Variants in DIP2A observed in about 807,000 individuals in gnomAD.
DIP2A encodes disco-interacting protein 2 homolog A.
In DIP2A, 85 loss-of-function variants were observed where a neutral mutation model predicts 177.4. The observed-to-expected ratio is 0.48, with a 90% CI of 0.40 to 0.57. DIP2A has a LOEUF of 0.57. Ranked by LOEUF, DIP2A falls within the 20% of genes least tolerant of loss-of-function variation. The probability of loss-of-function intolerance (pLI) is 0.00; values close to 1 mark genes in which losing one functional copy is unlikely to be tolerated. For synonymous variants in DIP2A, 886 were observed against 881.8 expected (o/e 1.00, Z -0.08); for missense variants, 1,791 against 2,100.2 (o/e 0.85, Z 2.88).
rs1200720980 is a variant in DIP2A, at chr21:46,554,115, A to G, written c.3031-54A>G. 4.4e-6 allele frequency: 7 copies of G among 1,575,888 alleles called. No individual in the cohort carries two copies. The African/African-American group carries it at 9.4e-5, about 21-fold the overall frequency. ...AGGTGGTGTGCACGCAGATCTGCGA[A>G]CAGCCCACCTGCACGCACCAGCATA... On this transcript the variant is annotated intron_variant, in intron 25 of 37. Transcript: ENST00000417564.
In DIP2A at chr21:46,551,780, CTG is replaced by C. The variant is rs772740855; in HGVS notation, c.2949+40_2950-40del. The C allele has an allele frequency of 1.6e-4, 258 of 1,613,398 alleles. 1 individual carries two copies. The highest frequency in any genetic ancestry group is 8.2e-4 in the Middle Eastern group (5 of 6,062). On this transcript the variant is annotated intron_variant, in intron 24 of 37. Transcript: ENST00000417564. ...GTTCCGGGGACGGGTGGACGGGTGTCTGTGCCCCGGAGGCGCCAGTGAGCAAG... is the reference window on the plus strand; with the variant it reads ...GTTCCGGGGACGGGTGGACGGGTGTCTGCCCCGGAGGCGCCAGTGAGCAAG...
Position 46,472,215 on chromosome 21 carries a change from C to T in DIP2A, c.92-12542C>T, listed in dbSNP as rs186013914. Among the ~76,000 whole-genome samples the T allele has an allele frequency of 3.2e-3, 485 of 152,328 alleles. 4 individuals carry two copies. The highest frequency in any genetic ancestry group is 0.011 in the African/African-American group (463 of 41,560). On this transcript the variant is annotated intron_variant, in intron 1 of 37. Coordinates refer to ENST00000417564, the MANE Select transcript of DIP2A (RefSeq NM_015151.4). ...GCCATGTGAAGACATAGGCAGCTGT[C>T]TGCAAGCCAAGGAGAGAGGCTTCAC... is the stretch of plus-strand genomic sequence containing the variant.
At chr21:46,465,183 G>GTTCT (rs1342446150) in intron 1 of DIP2A, among the ~76,000 whole-genome samples, 6 of 152,162 alleles carry the variant, frequency 3.9e-5, no homozygotes, top group Admixed American at 1.3e-4. Context: ...CTCTTTTGGA[G>GTTCT]TTCTTGCTGC....
At position 46,567,395 on chromosome 21, in the gene DIP2A, C is replaced by T. The variant is rs932085528; in HGVS notation, c.4489C>T (p.Leu1497=). ...ECAVFTWTNL[L]VVVVELDGLE... ...TGCCGTATTCACCTGGACCAACCTG[C>T]TGGTGGTGGTGGTGGAGCTGGATGG... is the stretch of plus-strand genomic sequence containing the variant. The change falls in exon 38 of 38, where the codon CTG becomes TTG. Residue 1497 remains leucine, a synonymous_variant. Coordinates refer to ENST00000417564, the MANE Select transcript of DIP2A (RefSeq NM_015151.4). The T allele has an allele frequency of 6.2e-7, 1 of 1,613,476 alleles. No individual in the cohort carries two copies. The highest frequency in any genetic ancestry group is 1.3e-5 in the African/African-American group (1 of 74,890).
the DIP2A span, among the ~76,000 whole-genome samples, chr21:46,581,969 G>A: frequency 6.6e-6 from 1 of 152,214 alleles, no homozygotes; most frequent in South Asian, 2.1e-4. Flanking sequence ...GCCCCTTGGT[G>A]GAGTGGGTGC....
chr21:46,487,296 AC>A (rs1274882186), intron 2 of DIP2A, among the ~76,000 whole-genome samples: 1 of 152,242 alleles, frequency 6.6e-6, no homozygotes, highest in Non-Finnish European at 1.5e-5. Flanking sequence ...ATATTTATTC[AC>A]CCAAAATAAA....
chr21:46,574,957 C>G (rs1569132353), downstream of DIP2A, among the ~76,000 whole-genome samples: 1 of 152,064 alleles, frequency 6.6e-6, no homozygotes, highest in Admixed American at 6.5e-5. Context: ...GATACTGGAA[C>G]CAGTCAGACA....
At position 46,477,471 on chromosome 21, in the gene DIP2A, G is replaced by C. The variant is rs2055952800; in HGVS notation, c.92-7286G>C. On this transcript the variant is annotated intron_variant, in intron 1 of 37. Coordinates refer to ENST00000417564, the MANE Select transcript of DIP2A (RefSeq NM_015151.4). ...GAACCCAGGAGGGTCAGGTTGCAGT[G>C]AGCTGAGATTGCGCCACTGCACTCC... Among the ~76,000 whole-genome samples, 3 of 150,648 alleles carry C rather than the reference G, an allele frequency of 2.0e-5. No homozygotes were observed. In the South Asian group the frequency reaches 6.3e-4, roughly 32 times the overall value.
the DIP2A span, among the ~76,000 whole-genome samples, chr21:46,578,039 C>T: frequency 4.6e-5 from 7 of 152,204 alleles, no homozygotes; most frequent in African/African-American, 1.4e-4. Context: ...GGAGGCTGGG[C>T]GTGGTGGCTC....
chr21:46,539,178 G>A (rs1007384987), intron 16 of DIP2A: 2 of 145,074 alleles, frequency 1.4e-5, no homozygotes, highest in Non-Finnish European at 3.0e-5. Context: ...ACCTCCTCTG[G>A]GGAAGCCTCA....
chr21:46,563,776 G>A lies in DIP2A; in HGVS notation c.4090-82G>A. 1 of 1,552,762 alleles carries A rather than the reference G, an allele frequency of 6.4e-7. No individual in the cohort carries two copies. Among genetic ancestry groups the A allele is most frequent in the Non-Finnish European group, 8.7e-7 (1 of 1,147,412 alleles). ...TCAGTCCTGCAGGCCAGCTTCTGAG[G>A]GACGTTATTTTAATGTCACTGAATC... On this transcript the variant is annotated intron_variant, in intron 34 of 37. Coordinates refer to ENST00000417564, the MANE Select transcript of DIP2A (RefSeq NM_015151.4). The surrounding 1 kb of genome is among the most constrained non-coding windows in gnomAD (Gnocchi z 4.3).
At chr21:46,514,396 A>G (rs1412869454) in intron 8 of DIP2A, among the ~76,000 whole-genome samples, 3 of 151,416 alleles carry the variant, frequency 2.0e-5, no homozygotes, top group African/African-American at 7.3e-5. Context: ...AGATCGCACC[A>G]CTGCACTCCA....
At chr21:46,536,595 A>C (rs1170923224) in intron 13 of DIP2A, among the ~76,000 whole-genome samples, 1 of 152,140 alleles carries the variant, frequency 6.6e-6, no homozygotes, top group African/African-American at 2.4e-5. Context: ...TACCCACTCA[A>C]AAATATCTGA....
chr21:46,460,965 A>G (rs1026932247), intron 1 of DIP2A, among the ~76,000 whole-genome samples: 5 of 151,316 alleles, frequency 3.3e-5, no homozygotes, highest in Non-Finnish European at 2.9e-5. Context: ...AAGTGCTGGG[A>G]TTACAGGCAT....
chr21:46,551,686 C>T lies in DIP2A; in HGVS notation c.2892C>T (p.Ile964=), dbSNP rs766545956. The part of the protein sequence containing the change: ...IVGNLVAGKR[I]AQASGRELAH... ...GGAACCTGGTTGCTGGGAAGAGAAT[C>T]GCTCAGGCTTCCGGGAGAGAGCTCG... The change falls in exon 24 of 38, where the codon ATC becomes ATT. Residue 964 remains isoleucine, a synonymous_variant. Transcript: ENST00000417564. 22 of 1,613,878 alleles carry T rather than the reference C, an allele frequency of 1.4e-5. No individual in the cohort carries two copies. The highest frequency in any genetic ancestry group is 5.3e-5 in the African/African-American group (4 of 74,918).
intron 8 of DIP2A, among the ~76,000 whole-genome samples, chr21:46,514,429 C>T (rs990290724): frequency 3.0e-5 from 4 of 134,584 alleles, no homozygotes; most frequent in African/African-American, 1.0e-4. Flanking sequence ...GAGCAAGACT[C>T]CATCTCAAAA....
Position 46,557,947 on chromosome 21 carries a change from C to CGGGG in DIP2A, c.3798+195_3798+196insGGGG, listed in dbSNP as rs927879677. ...CACCTGTCTCTGCAGCTCCACACCC[C>CGGGG]GCAGGAGAGGAGGGTGGGGGGTAGG... On this transcript the variant is annotated intron_variant, in intron 31 of 37. Coordinates refer to ENST00000417564, the MANE Select transcript of DIP2A (RefSeq NM_015151.4). The surrounding 1 kb of genome is among the most constrained non-coding windows in gnomAD (Gnocchi z 6.0). 3.9e-5 allele frequency among the ~76,000 whole-genome samples: 6 copies of CGGGG among 152,220 alleles called. No homozygotes were observed. Among genetic ancestry groups the CGGGG allele is most frequent in the African/African-American group, 1.4e-4 (6 of 41,456 alleles).
downstream of DIP2A, among the ~76,000 whole-genome samples, chr21:46,570,891 T>G (rs2060956346): frequency 6.6e-6 from 1 of 152,160 alleles, no homozygotes; most frequent in Non-Finnish European, 1.5e-5. Flanking sequence ...CCAAGTAAGA[T>G]GAACTCAAAG....
chr21:46,519,640 A>G (rs759895888), intron 8 of DIP2A, among the ~76,000 whole-genome samples: 3 of 152,194 alleles, frequency 2.0e-5, no homozygotes, highest in Non-Finnish European at 4.4e-5. Context: ...TGGAAGATTA[A>G]TAAGTGTTCA....
Sources: gnomAD v4.1 joint callset for allele counts (sites outside exome capture counted in the v4.1 genomes callset) on GRCh38, gnomAD v4.1.1 for gene constraint, Gnocchi (gnomAD v3.1) non-coding constraint, MANE v1.5 for transcripts, NCBI Gene and HGNC (gene_info 2026-07-23, HGNC 2026-07-21) for gene names.